The following DMD variants were observed in gnomAD, a reference collection of about 807,000 sequenced individuals.
DMD encodes dystrophin.
In DMD, 63 loss-of-function variants were observed where a neutral mutation model predicts 330.1. The ratio of observed to expected loss-of-function variants is 0.19; its 90% CI spans 0.16 to 0.24. DMD has a LOEUF of 0.24. Among genes scored for constraint, DMD ranks in the 10% least tolerant of loss-of-function variants. The probability of loss-of-function intolerance (pLI) is 1.00; values close to 1 mark genes in which losing one functional copy is unlikely to be tolerated. For synonymous variants in DMD, 1,223 were observed against 959.8 expected (o/e 1.27, Z -5.07); for missense variants, 3,344 against 2,684.1 (o/e 1.25, Z -5.43).
rs754785172 is a variant in DMD at position 31,921,784 on chromosome X, C to G, written c.6912+7812G>C. Reference sequence around the variant, plus strand: ...ATGGATGTTATAACTTAGGTATGGACAGAGTAGGTATAAGATCACATAGCT... The same window carrying G: ...ATGGATGTTATAACTTAGGTATGGAGAGAGTAGGTATAAGATCACATAGCT... On this transcript the variant is annotated intron_variant, in intron 47 of 78. Coordinates refer to ENST00000357033, the MANE Select transcript of DMD (RefSeq NM_004006.3). Among the ~76,000 whole-genome samples, 294 of 111,867 alleles carry G rather than the reference C, an allele frequency of 2.6e-3. 1 individual carries two copies. Among genetic ancestry groups the G allele is most frequent in the African/African-American group, 8.9e-3 (273 of 30,778 alleles).
intron 44 of DMD, among the ~76,000 whole-genome samples, chrX:32,030,265 C>G (rs1053014313): frequency 8.9e-6 from 1 of 111,994 alleles, no homozygotes; most frequent in Non-Finnish European, 1.9e-5. Flanking sequence ...CTATATCCAC[C>G]ATTTCAATCA....
In DMD at chrX:31,709,724, A is replaced by G. The variant is rs780704256; in HGVS notation, c.7660+19907T>C. Among the ~76,000 whole-genome samples the G allele has an allele frequency of 2.7e-5, 3 of 110,559 alleles. No individual in the cohort carries two copies. In the South Asian group the frequency reaches 1.2e-3, roughly 43 times the overall value. ...TTACATTTTTAAACTATATTTTAAG[A>G]GTGCACATATTTCTTAAGAGTTCTA... On this transcript the variant is annotated intron_variant, in intron 52 of 78. Coordinates refer to ENST00000357033, the MANE Select transcript of DMD (RefSeq NM_004006.3).
chrX:31,978,031 A>G (rs1271478787), intron 44 of DMD, among the ~76,000 whole-genome samples: 5 of 111,581 alleles, frequency 4.5e-5, no homozygotes, highest in Non-Finnish European at 1.9e-5. Flanking sequence ...TTTCTTATCA[A>G]TTTAGCTTGT....
intron 44 of DMD, among the ~76,000 whole-genome samples, chrX:32,199,780 TTGTGTGTGTGTGTGTG>T (rs35897988): frequency 1.0e-3 from 87 of 84,140 alleles, no homozygotes; most frequent in African/African-American, 2.8e-3. Context: ...CGCAAGGCTT[TTGTGTGTGTGTGTGTG>T]TGTGTGTGTG....
intron 19 of DMD, among the ~76,000 whole-genome samples, chrX:32,501,115 G>T (rs907634623): frequency 9.0e-6 from 1 of 111,480 alleles, no homozygotes; most frequent in African/African-American, 3.3e-5. Context: ...TGACACATTT[G>T]GTACACATAA....
At chrX:31,697,821 A>G (rs5971593) in intron 52 of DMD, among the ~76,000 whole-genome samples, 2,454 of 111,764 alleles carry the variant, frequency 0.022, 34 homozygotes, top group Middle Eastern at 0.042. Context: ...TGTGTAACTG[A>G]TTTTTAGAAA....
intron 44 of DMD, among the ~76,000 whole-genome samples, chrX:32,196,015 G>A (rs780074885): frequency 3.1e-4 from 35 of 111,620 alleles, no homozygotes; most frequent in Non-Finnish European, 5.8e-4. Flanking sequence ...CTGTGGTTAG[G>A]GGGTTTATTC....
intron 7 of DMD, among the ~76,000 whole-genome samples, chrX:32,704,148 A>C (rs927249396): frequency 3.6e-5 from 4 of 111,835 alleles, no homozygotes; most frequent in Non-Finnish European, 5.6e-5. Flanking sequence ...TTTTCGAATA[A>C]AGAAGTTGAA....
intron 43 of DMD, among the ~76,000 whole-genome samples, chrX:32,245,834 G>T (rs1486825452): frequency 9.9e-6 from 1 of 101,388 alleles, no homozygotes; most frequent in Non-Finnish European, 2.0e-5. Flanking sequence ...CTTTGCTGAA[G>T]TTGCTTATCA....
At chrX:33,104,574 A>G (rs954660889) in intron 1 of DMD, among the ~76,000 whole-genome samples, 1 of 105,483 alleles carries the variant, frequency 9.5e-6, no homozygotes, top group Admixed American at 1.0e-4. Context: ...CCCAAATCCT[A>G]TAAAACGGCC....
At chrX:31,235,270 C>T (rs2047610496) in intron 63 of DMD, among the ~76,000 whole-genome samples, 1 of 111,768 alleles carries the variant, frequency 8.9e-6, no homozygotes, top group Non-Finnish European at 1.9e-5. Context: ...TCCAAGATGA[C>T]ATAAGCAGTA....
chrX:31,889,454 T>C (rs55945675), intron 47 of DMD, among the ~76,000 whole-genome samples: 19,509 of 109,247 alleles, frequency 0.18, 1,426 homozygotes, highest in African/African-American at 0.25. Context: ...ATTGATTTGC[T>C]CAAACCTCAA....
chrX:31,904,805 T>C (rs746862627), intron 47 of DMD, among the ~76,000 whole-genome samples: 9 of 111,793 alleles, frequency 8.1e-5, no homozygotes, highest in Non-Finnish European at 1.7e-4. Flanking sequence ...GGATAATCTA[T>C]GCCTAGACTT....
chrX:31,999,740 T>C (rs905164487), intron 44 of DMD, among the ~76,000 whole-genome samples: 3 of 111,781 alleles, frequency 2.7e-5, no homozygotes, highest in Non-Finnish European at 5.7e-5. Flanking sequence ...TATACTGTGG[T>C]AGTGAACGTG....
At chrX:32,265,485 C>T (rs2097340657) in intron 43 of DMD, among the ~76,000 whole-genome samples, 1 of 112,277 alleles carries the variant, frequency 8.9e-6, no homozygotes, top group East Asian at 2.8e-4. Flanking sequence ...GGGTTGGAGC[C>T]CCCACATAGA....
At chrX:32,026,943 A>G (rs1356739896) in intron 44 of DMD, among the ~76,000 whole-genome samples, 1 of 110,873 alleles carries the variant, frequency 9.0e-6, no homozygotes, top group Non-Finnish European at 1.9e-5. Flanking sequence ...TGCCTGCAAC[A>G]TAACTCCCAC....
At chrX:31,575,904 A>G (rs970435191) in intron 55 of DMD, among the ~76,000 whole-genome samples, 2 of 112,300 alleles carry the variant, frequency 1.8e-5, no homozygotes, top group Admixed American at 1.9e-4. Flanking sequence ...GTAAGTCTAG[A>G]TCAGAAATAT....
chrX:32,550,083 A>G (rs919866014), intron 16 of DMD, among the ~76,000 whole-genome samples: 1 of 111,613 alleles, frequency 9.0e-6, no homozygotes, highest in African/African-American at 3.3e-5. Flanking sequence ...ACAGACTACT[A>G]TACGGCCAAC....
intron 60 of DMD, among the ~76,000 whole-genome samples, chrX:31,417,360 C>T (rs1453532830): frequency 2.8e-5 from 3 of 108,641 alleles, no homozygotes; most frequent in African/African-American, 6.7e-5. Flanking sequence ...GGCGCGATCT[C>T]GGCTCACTGC....
Sources: gnomAD v4.1 joint callset for allele counts (sites outside exome capture counted in the v4.1 genomes callset) on GRCh38, gnomAD v4.1.1 for gene constraint, MANE v1.5 for transcripts, NCBI Gene and HGNC (gene_info 2026-07-23, HGNC 2026-07-21) for gene names.